The following SPAG16 variants were observed in gnomAD, a reference collection of about 807,000 sequenced individuals.
SPAG16 encodes sperm-associated antigen 16 protein.
In SPAG16, 86 loss-of-function variants were observed where a neutral mutation model predicts 80.4. That is an observed-to-expected ratio of 1.07 (90% CI 0.90 to 1.28). The LOEUF (loss-of-function observed/expected upper bound fraction) is 1.28. Ranked by LOEUF, SPAG16 falls within the 50% of genes most tolerant of loss-of-function variation. The pLI, the probability that SPAG16 is intolerant of heterozygous loss-of-function variation, is 0.00. For synonymous variants in SPAG16, 294 were observed against 265.9 expected, an observed-to-expected ratio of 1.11 and a Z score of -1.03; for missense variants, 870 against 765.3, an observed-to-expected ratio of 1.14 and a Z score of -1.61.
chr2:214,187,672 T>TAACA (rs2057522070), intron 15 of SPAG16, among the ~76,000 whole-genome samples: 1 of 144,220 alleles, frequency 6.9e-6, no homozygotes, highest in Admixed American at 6.7e-5. Flanking sequence ...ATGTAAACAA[T>TAACA]AATGTCTGCC....
rs192299611 is a variant in SPAG16, at chr2:213,409,319, A to G, written c.942+34200A>G. Among the ~76,000 whole-genome samples the G allele has an allele frequency of 1.4e-4, 21 of 152,354 alleles. No individual in the cohort carries two copies. The East Asian group carries it at 3.9e-3, about 28-fold the overall frequency. On this transcript the variant is annotated intron_variant, in intron 9 of 15. Coordinates refer to ENST00000331683, the MANE Select transcript of SPAG16 (RefSeq NM_024532.5). ...TATGTGCAAGGTGTGTAAGAAAAGT[A>G]AAATATACTTTTGGTAAAAAGATTG... is the stretch of plus-strand genomic sequence containing the variant.
intron 15 of SPAG16, among the ~76,000 whole-genome samples, chr2:214,257,759 A>G (rs1690801475): frequency 6.6e-6 from 1 of 152,140 alleles, no homozygotes; most frequent in Non-Finnish European, 1.5e-5. Context: ...TTCAAGGGAT[A>G]TAAAGGACAT....
chr2:213,892,620 T>C (rs1476970411), intron 11 of SPAG16, among the ~76,000 whole-genome samples: 1 of 151,978 alleles, frequency 6.6e-6, no homozygotes, highest in African/African-American at 2.4e-5. Flanking sequence ...TTAAAATAAT[T>C]AAAAATCACA....
chr2:214,234,127 G>A (rs1316751546), intron 15 of SPAG16, among the ~76,000 whole-genome samples: 3 of 152,104 alleles, frequency 2.0e-5, no homozygotes, highest in Admixed American at 6.6e-5. Context: ...TTATAAGTGA[G>A]AAGATGTGGT....
chr2:214,114,790 G>A (rs1014043315), intron 14 of SPAG16, among the ~76,000 whole-genome samples: 5 of 152,144 alleles, frequency 3.3e-5, no homozygotes, highest in Admixed American at 6.5e-5. Flanking sequence ...TACCTGCTTC[G>A]GGTGGCCCTC....
At chr2:213,894,479 A>G (rs2076911334) in intron 11 of SPAG16, among the ~76,000 whole-genome samples, 1 of 152,164 alleles carries the variant, frequency 6.6e-6, no homozygotes, top group South Asian at 2.1e-4. Context: ...GCCCATAGCT[A>G]ACACTTTACT....
rs77570679 is a variant in SPAG16, at chr2:213,885,700, G to C, written c.1214+23072G>C. Reference sequence around the variant, plus strand: ...ATGGAAGTCAACAGTAGATAAGGAAGGAGTATTCCTTGGTACCCTTCCATC... The same window carrying C: ...ATGGAAGTCAACAGTAGATAAGGAACGAGTATTCCTTGGTACCCTTCCATC... On this transcript the variant is annotated intron_variant, in intron 11 of 15. Transcript: ENST00000331683. 9.8e-3 allele frequency among the ~76,000 whole-genome samples: 1,499 copies of C among 152,244 alleles called. 35 individuals carry two copies. Among genetic ancestry groups the C allele is most frequent in the African/African-American group, 0.034 (1,426 of 41,544 alleles).
At chr2:213,331,639 A>G (rs770868350) in intron 5 of SPAG16, among the ~76,000 whole-genome samples, 2 of 152,200 alleles carry the variant, frequency 1.3e-5, no homozygotes, top group Non-Finnish European at 2.9e-5. Flanking sequence ...AGGTTACAGA[A>G]CAAGTTTTAA....
intron 15 of SPAG16, among the ~76,000 whole-genome samples, chr2:214,310,461 G>A (rs1695213912): frequency 6.6e-6 from 1 of 152,150 alleles, no homozygotes; most frequent in African/African-American, 2.4e-5. Context: ...GTGTCCTTCT[G>A]TCAGCCACTT....
intron 9 of SPAG16, among the ~76,000 whole-genome samples, chr2:213,467,263 G>A (rs1238322104): frequency 6.6e-6 from 1 of 152,194 alleles, no homozygotes; most frequent in African/African-American, 2.4e-5. Context: ...GGATCCTAAA[G>A]GTGGAGTTGG....
intron 13 of SPAG16, among the ~76,000 whole-genome samples, chr2:214,055,108 A>G (rs1032470338): frequency 2.0e-5 from 3 of 152,206 alleles, no homozygotes; most frequent in Non-Finnish European, 4.4e-5. Context: ...GCATAAAATA[A>G]GATATGTAAA....
At chr2:213,654,145 C>T (rs1447133030) in intron 10 of SPAG16, among the ~76,000 whole-genome samples, 5 of 151,968 alleles carry the variant, frequency 3.3e-5, no homozygotes, top group African/African-American at 1.2e-4. Context: ...TAATAAAAAC[C>T]TCTTAAATTG....
chr2:214,392,362 G>T (rs2126129251), intron 15 of SPAG16, among the ~76,000 whole-genome samples: 1 of 151,930 alleles, frequency 6.6e-6, no homozygotes, highest in South Asian at 2.1e-4. Flanking sequence ...CACCATGTTG[G>T]CCAGGCTGGT....
chr2:214,163,805 T>A (rs918932498), intron 15 of SPAG16, among the ~76,000 whole-genome samples: 4 of 151,902 alleles, frequency 2.6e-5, no homozygotes, highest in African/African-American at 9.7e-5. Flanking sequence ...GAAGCAGAAT[T>A]CCTTCTTTCT....
intron 10 of SPAG16, among the ~76,000 whole-genome samples, chr2:213,700,578 A>C (rs1478631696): frequency 6.6e-6 from 1 of 152,176 alleles, no homozygotes; most frequent in East Asian, 1.9e-4. Flanking sequence ...TCATGCTATG[A>C]AGCTTTTATA....
At chr2:213,308,494 T>G (rs1475890546) in intron 3 of SPAG16, among the ~76,000 whole-genome samples, 1 of 152,134 alleles carries the variant, frequency 6.6e-6, no homozygotes, top group African/African-American at 2.4e-5. Context: ...AAATATGATT[T>G]AGTGTTATTC....
chr2:213,951,931 G>A (rs1303048468), intron 12 of SPAG16, among the ~76,000 whole-genome samples: 2 of 152,114 alleles, frequency 1.3e-5, no homozygotes, highest in South Asian at 2.1e-4. Context: ...AACTGATGGA[G>A]CGCATCAAAG....
chr2:213,958,374 C>T (rs1333034940), intron 12 of SPAG16, among the ~76,000 whole-genome samples: 1 of 152,040 alleles, frequency 6.6e-6, no homozygotes, highest in Non-Finnish European at 1.5e-5. Context: ...ATAAACTCCT[C>T]CCAGTTCCTC....
At chr2:214,373,544 A>G (rs530810559) in intron 15 of SPAG16, among the ~76,000 whole-genome samples, 6 of 152,184 alleles carry the variant, frequency 3.9e-5, no homozygotes, top group African/African-American at 4.8e-5. Context: ...GGAATGTTCA[A>G]TTTATTAATT....
Sources: allele counts gnomAD v4.1 joint callset (sites outside exome capture counted in the v4.1 genomes callset), GRCh38; gene constraint gnomAD v4.1.1; transcripts MANE v1.5; gene names NCBI Gene and HGNC (gene_info 2026-07-23, HGNC 2026-07-21).